TMEM45A: variants seen among roughly 807,000 people sequenced by gnomAD.
The protein encoded by TMEM45A is transmembrane protein 45A.
TMEM45A carries 25 observed loss-of-function variants against 32.0 expected under a neutral mutation model. The ratio of observed to expected loss-of-function variants is 0.78; its 90% CI spans 0.57 to 1.09. The LOEUF (loss-of-function observed/expected upper bound fraction) is 1.09, where lower values mean the gene tolerates loss of function less well. Ranked by LOEUF, TMEM45A falls within the 50% of genes least tolerant of loss-of-function variation. The probability of loss-of-function intolerance (pLI) is 0.00; values close to 1 mark genes in which losing one functional copy is unlikely to be tolerated. For missense variants in TMEM45A, 302 were observed against 325.0 expected, an observed-to-expected ratio of 0.93 and a Z score of 0.54; for synonymous variants, 122 against 114.8, an observed-to-expected ratio of 1.06 and a Z score of -0.40.
At chr3:100,565,700 T>G (rs966419386) in intron 4 of TMEM45A, among the ~76,000 whole-genome samples, 5 of 152,214 alleles carry the variant, frequency 3.3e-5, no homozygotes, top group Non-Finnish European at 7.3e-5. Flanking sequence ...GTTTTGAATT[T>G]CATTTAGTTC....
chr3:100,571,025 T>C (rs1183222662), intron 5 of TMEM45A: 1 of 152,132 alleles, frequency 6.6e-6, no homozygotes, highest in East Asian at 1.9e-4. Context: ...ATGGGTAAAA[T>C]GTAGCAACTA....
chr3:100,550,195 T>TA (rs768800338), intron 1 of TMEM45A, among the ~76,000 whole-genome samples: 8,984 of 133,244 alleles, frequency 0.067, 914 homozygotes, highest in African/African-American at 0.22. Flanking sequence ...TAAAGCATAA[T>TA]AAAAAAAAAA....
intron 1 of TMEM45A, among the ~76,000 whole-genome samples, chr3:100,512,258 A>G (rs1017413178): frequency 5.4e-4 from 83 of 152,330 alleles, no homozygotes; most frequent in African/African-American, 1.8e-3. Flanking sequence ...AAAGAACAGA[A>G]ATTATAACAA....
chr3:100,530,753 C>A (rs1197614483), intron 1 of TMEM45A, among the ~76,000 whole-genome samples: 1 of 152,098 alleles, frequency 6.6e-6, no homozygotes, highest in African/African-American at 2.4e-5. Flanking sequence ...GAATTAGGAT[C>A]CAGATAAAGC....
At chr3:100,572,432 C>G (rs1706584016) in intron 5 of TMEM45A, 1 of 152,024 alleles carries the variant, frequency 6.6e-6, no homozygotes, top group Non-Finnish European at 1.5e-5. Flanking sequence ...CCTTCGCCCA[C>G]TTTTTGATGG....
At chr3:100,565,955 C>T (rs1706426970) in intron 4 of TMEM45A, among the ~76,000 whole-genome samples, 1 of 152,178 alleles carries the variant, frequency 6.6e-6, no homozygotes, top group South Asian at 2.1e-4. Flanking sequence ...GCCCCCGGTA[C>T]CACTGGTCTG....
chr3:100,555,354 G>A lies in TMEM45A; in HGVS notation c.143G>A (p.Arg48Gln). The A allele has an allele frequency of 1.9e-6, 3 of 1,613,840 alleles. No individual in the cohort carries two copies. The highest frequency in any genetic ancestry group is 1.7e-4 in the Middle Eastern group (1 of 6,060). The change falls in exon 2 of 6, where the codon CGA becomes CAA. Residue 48 changes from arginine (R) to glutamine (Q), a missense_variant. By Grantham distance (43) the Arg-to-Gln change is conservative. Transcript: ENST00000323523. ...CYLGSKTLFY[R>Q]LEILEGITIV... The stretch of plus-strand genomic sequence containing the variant: ...CTTGGTTCCAAAACATTATTCTATC[G>A]ATTGGAAATTTTGGAGGGAATTACA...
intron 1 of TMEM45A, among the ~76,000 whole-genome samples, chr3:100,540,642 A>G (rs1705851857): frequency 1.3e-5 from 2 of 152,216 alleles, no homozygotes; most frequent in African/African-American, 4.8e-5. Flanking sequence ...GTGTCTTACA[A>G]AGATAACATA....
chr3:100,576,935 T>C lies in TMEM45A; in HGVS notation c.745T>C (p.Ser249Pro), dbSNP rs1197063274. 6.2e-7 allele frequency: 1 copy of C among 1,612,918 alleles called. No individual in the cohort carries two copies. Among genetic ancestry groups the C allele is most frequent in the Non-Finnish European group, 8.5e-7 (1 of 1,179,552 alleles). The part of the protein sequence containing the change: ...NYAFITWLVK[S>P]RLKRLCSSEV... ...TTTCTTTCTCCTCAGGTTGGTTAAA[T>C]CTAGACTTAAGAGGCTCTGCTCCTC... is the stretch of plus-strand genomic sequence containing the variant. The change falls in exon 6 of 6, where the codon TCT becomes CCT. Residue 249 changes from serine to proline, a missense_variant. Physicochemically the swap from Ser to Pro is moderately conservative, Grantham distance 74 (BLOSUM62 -1). Transcript: ENST00000323523.
chr3:100,496,699 C>G (rs1160757292), intron 1 of TMEM45A, among the ~76,000 whole-genome samples: 1 of 152,218 alleles, frequency 6.6e-6, no homozygotes, highest in Non-Finnish European at 1.5e-5. Flanking sequence ...GATCTCATTG[C>G]AGGCATGCAC....
At position 100,569,642 on chromosome 3, in the gene TMEM45A, G is replaced by C. The variant is rs367845653; in HGVS notation, c.734+675G>C. 3.3e-5 allele frequency among the ~76,000 whole-genome samples: 5 copies of C among 152,240 alleles called. No individual in the cohort carries two copies. The East Asian group carries it at 7.7e-4, about 24-fold the overall frequency. ...AATAATAAGACCTAAATGAGATCAA[G>C]TATTTAAGCTTAGGACATAATAAGA... On this transcript the variant is annotated intron_variant, in intron 5 of 5. Coordinates refer to ENST00000323523, the MANE Select transcript of TMEM45A (RefSeq NM_018004.3).
At position 100,530,128 on chromosome 3, in the gene TMEM45A, CTTTGT is replaced by C. The variant is rs766998839; in HGVS notation, c.-3-25077_-3-25073del. 5.3e-5 allele frequency among the ~76,000 whole-genome samples: 8 copies of C among 152,276 alleles called. No homozygotes were observed. The East Asian group carries it at 7.7e-4, about 15-fold the overall frequency. On this transcript the variant is annotated intron_variant, in intron 1 of 5. Coordinates refer to ENST00000323523, the MANE Select transcript of TMEM45A (RefSeq NM_018004.3). Reference sequence around the variant, plus strand: ...AACAACAATTACTAACTCATGCCAACTTTGTTTTATCTATTCTTCCATCCATTTCT... The same window carrying C: ...AACAACAATTACTAACTCATGCCAACTTTATCTATTCTTCCATCCATTTCT...
chr3:100,532,003 GAAT>G (rs2148957354), intron 1 of TMEM45A, among the ~76,000 whole-genome samples: 1 of 152,260 alleles, frequency 6.6e-6, no homozygotes, highest in South Asian at 2.1e-4. Flanking sequence ...GACTCTGAAA[GAAT>G]AATTTTTTCC....
At chr3:100,494,613 C>T (rs1707895674) in intron 1 of TMEM45A, among the ~76,000 whole-genome samples, 1 of 150,102 alleles carries the variant, frequency 6.7e-6, no homozygotes, top group African/African-American at 2.5e-5. Flanking sequence ...GCTCTGGTGA[C>T]AGAGTGAGAC....
chr3:100,494,303 G>C (rs1183677930), intron 1 of TMEM45A, among the ~76,000 whole-genome samples: 1 of 152,184 alleles, frequency 6.6e-6, no homozygotes, highest in Non-Finnish European at 1.5e-5. Context: ...GGCTCAGAAA[G>C]CAGTAGATGG....
intron 1 of TMEM45A, among the ~76,000 whole-genome samples, chr3:100,547,150 CT>C (rs1559647024): frequency 6.6e-6 from 1 of 151,954 alleles, no homozygotes. Context: ...GAGTCAGAGT[CT>C]TGCTCTGTTG....
At chr3:100,544,656 C>T (rs529671282) in intron 1 of TMEM45A, among the ~76,000 whole-genome samples, 1 of 152,200 alleles carries the variant, frequency 6.6e-6, no homozygotes, top group East Asian at 1.9e-4. Context: ...TAACATAATG[C>T]TTTTGAGATT....
chr3:100,558,381 G>C (rs1222787589), intron 3 of TMEM45A, 24 bp from the exon 4 acceptor site: 16 of 1,611,736 alleles, frequency 9.9e-6, no homozygotes, highest in Non-Finnish European at 1.4e-5. Flanking sequence ...CACTGAAAAA[G>C]ACAATCTGTT....
intron 5 of TMEM45A, chr3:100,572,914 T>A (rs1207262796): frequency 6.6e-6 from 1 of 151,010 alleles, no homozygotes; most frequent in Non-Finnish European, 1.5e-5. Flanking sequence ...TAGTTGTAGA[T>A]ATGTGGCATT....
Sources: allele counts gnomAD v4.1 joint callset (sites outside exome capture counted in the v4.1 genomes callset), GRCh38; gene constraint gnomAD v4.1.1; transcripts MANE v1.5; gene names NCBI Gene and HGNC (gene_info 2026-07-23, HGNC 2026-07-21).